Variants in ACAD11 observed in about 807,000 individuals in gnomAD.
ACAD11 encodes the protein acyl-Coenzyme A dehydrogenase family, member 11.
In ACAD11, 83 loss-of-function variants were observed where a neutral mutation model predicts 102.2. The ratio of observed to expected loss-of-function variants is 0.81; its 90% CI spans 0.68 to 0.97. The LOEUF (loss-of-function observed/expected upper bound fraction) is 0.97. Ranked by LOEUF, ACAD11 falls within the 50% of genes least tolerant of loss-of-function variation. The pLI is 0.00. For synonymous variants in ACAD11, 324 were observed against 319.8 expected (o/e 1.01, Z -0.14); for missense variants, 901 against 951.7 (o/e 0.95, Z 0.70).
chr3:132,636,114 A>G (rs962405931), intron 5 of ACAD11, among the ~76,000 whole-genome samples: 5 of 152,182 alleles, frequency 3.3e-5, no homozygotes, highest in African/African-American at 9.6e-5. Flanking sequence ...CTATAAAACA[A>G]CAGCCAGTGA....
At chr3:132,641,236 G>A (rs1236180634) in intron 4 of ACAD11, among the ~76,000 whole-genome samples, 1 of 152,046 alleles carries the variant, frequency 6.6e-6, no homozygotes, top group Non-Finnish European at 1.5e-5. Flanking sequence ...ATGTCTGCTA[G>A]TCCAATTGAG....
At chr3:132,612,989 A>G (rs932232373) in intron 11 of ACAD11, among the ~76,000 whole-genome samples, 1 of 152,106 alleles carries the variant, frequency 6.6e-6, no homozygotes, top group Non-Finnish European at 1.5e-5. Context: ...ATGTCCAACA[A>G]TGATAGACTG....
At chr3:132,621,334 A>G (rs894893219) in intron 9 of ACAD11, 4 of 152,214 alleles carry the variant, frequency 2.6e-5, no homozygotes, top group African/African-American at 9.6e-5. Flanking sequence ...AAGATTACTG[A>G]TAATTAAACA....
At chr3:132,640,716 G>T (rs549085810) in intron 4 of ACAD11, among the ~76,000 whole-genome samples, 1 of 152,170 alleles carries the variant, frequency 6.6e-6, no homozygotes, top group African/African-American at 2.4e-5. Flanking sequence ...TCTGCAAAAT[G>T]GGAGTAATAA....
At chr3:132,636,366 C>T (rs767766255) in intron 5 of ACAD11, among the ~76,000 whole-genome samples, 32 of 152,074 alleles carry the variant, frequency 2.1e-4, no homozygotes, top group Non-Finnish European at 4.1e-4. Context: ...TTTAAATTAT[C>T]TTCTTTATAA....
chr3:132,649,468 C>T (rs1576623312), intron 1 of ACAD11, among the ~76,000 whole-genome samples: 2 of 152,224 alleles, frequency 1.3e-5, no homozygotes, highest in Non-Finnish European at 2.9e-5. Context: ...ATCTGGCCTA[C>T]GTGCACATCT....
At chr3:132,604,165 A>T (rs756193672) in intron 12 of ACAD11, among the ~76,000 whole-genome samples, 1 of 152,304 alleles carries the variant, frequency 6.6e-6, no homozygotes, top group African/African-American at 2.4e-5. Flanking sequence ...GGTTTCAGTT[A>T]TGAGGCCAAC....
At chr3:132,611,242 C>A (rs1334076423) in intron 11 of ACAD11, among the ~76,000 whole-genome samples, 1 of 152,194 alleles carries the variant, frequency 6.6e-6, no homozygotes, top group South Asian at 2.1e-4. Flanking sequence ...TAAGAGCTAT[C>A]TATGACAAAT....
At chr3:132,648,721 C>T (rs1035020392) in intron 1 of ACAD11, 15 of 152,296 alleles carry the variant, frequency 9.8e-5, no homozygotes, top group African/African-American at 3.4e-4. Flanking sequence ...ACTATTCTGA[C>T]CAAGTGCGTT....
chr3:132,619,061 T>C (rs1939515022), intron 10 of ACAD11: 2 of 329,520 alleles, frequency 6.1e-6, no homozygotes, highest in South Asian at 1.4e-4. Flanking sequence ...TATTACAAAA[T>C]CTCCCACATT....
At chr3:132,566,803 A>T (rs775522578) in intron 17 of ACAD11, among the ~76,000 whole-genome samples, 1 of 152,214 alleles carries the variant, frequency 6.6e-6, no homozygotes, top group Non-Finnish European at 1.5e-5. Flanking sequence ...AAAAAGATAA[A>T]AGAAGAAACC....
At chr3:132,563,589 T>C (rs574680361) in intron 17 of ACAD11, among the ~76,000 whole-genome samples, 5 of 152,322 alleles carry the variant, frequency 3.3e-5, no homozygotes, top group Admixed American at 2.6e-4. Flanking sequence ...ATTGCTTGTA[T>C]ATAAAAATAA....
Position 132,641,314 on chromosome 3 carries a change from C to T in ACAD11, c.537+658G>A, listed in dbSNP as rs576037521. Among the ~76,000 whole-genome samples, 18 of 152,066 alleles carry T rather than the reference C, an allele frequency of 1.2e-4. No individual in the cohort carries two copies. In the South Asian group the frequency reaches 2.3e-3, roughly 19 times the overall value. On this transcript the variant is annotated intron_variant, in intron 4 of 19. Coordinates refer to ENST00000264990, the MANE Select transcript of ACAD11 (RefSeq NM_032169.5). ...ATTCCAGCACTTTGGGAGGCTGAGG[C>T]GGGCGGATCACGAGGTCAGGAGATT...
At chr3:132,585,455 C>T (rs924476708) in intron 13 of ACAD11, among the ~76,000 whole-genome samples, 1 of 152,182 alleles carries the variant, frequency 6.6e-6, no homozygotes, top group African/African-American at 2.4e-5. Context: ...ATGTCTAAAA[C>T]ACCAAAAGCA....
chr3:132,619,698 G>A (rs1939540614), intron 9 of ACAD11, among the ~76,000 whole-genome samples, 153 bp from the exon 10 acceptor site: 1 of 152,044 alleles, frequency 6.6e-6, no homozygotes, highest in Non-Finnish European at 1.5e-5. Context: ...ACATTCTAAA[G>A]GTTTGCTGAT....
intron 11 of ACAD11, among the ~76,000 whole-genome samples, chr3:132,613,592 A>T (rs1446225234): frequency 1.3e-5 from 2 of 151,944 alleles, no homozygotes; most frequent in African/African-American, 4.8e-5. Context: ...ATGACATGAT[A>T]GTATATTTAG....
In ACAD11 at chr3:132,603,312, G is replaced by C; in HGVS notation, c.1538C>G (p.Ser513Ter). 6.2e-7 allele frequency: 1 copy of C among 1,613,876 alleles called. No homozygotes were observed. The highest frequency in any genetic ancestry group is 8.5e-7 in the Non-Finnish European group (1 of 1,179,850). ...GCATTCAATATTCGTGGCATCACTTGAAGCTACATCAGGTTCTATAAATAA... is the reference window on the plus strand; with the variant it reads ...GCATTCAATATTCGTGGCATCACTTCAAGCTACATCAGGTTCTATAAATAA... ...CFCMTEPDVA[S>*]SDATNIECSI... The change falls in exon 13 of 20, where the codon TCA becomes TGA. Residue 513 changes from serine to a stop codon, truncating the protein, a stop_gained. Transcript: ENST00000264990. LOFTEE classifies it high-confidence loss of function.
chr3:132,657,310 ACT>A (rs1239033689), intron 1 of ACAD11, among the ~76,000 whole-genome samples: 1 of 151,938 alleles, frequency 6.6e-6, no homozygotes, highest in Non-Finnish European at 1.5e-5. Context: ...CTTTCTGTGA[ACT>A]CTCTGTTCTA....
At chr3:132,628,589 A>G in intron 7 of ACAD11, 143 bp from the exon 8 acceptor site, 1 of 556,918 alleles carries the variant, frequency 1.8e-6, no homozygotes. Flanking sequence ...ATATTAATGT[A>G]CATGCAGGGG....
Sources: gnomAD v4.1 joint callset for allele counts (sites outside exome capture counted in the v4.1 genomes callset) on GRCh38, gnomAD v4.1.1 for gene constraint, MANE v1.5 for transcripts, NCBI Gene and HGNC (gene_info 2026-07-23, HGNC 2026-07-21) for gene names.